The following GPR149 variants were observed in gnomAD, a reference collection of about 807,000 sequenced individuals.
The protein encoded by GPR149 is G protein-coupled receptor 149, also known as probable G protein-coupled receptor 149.
GPR149 carries 50 observed loss-of-function variants against 50.2 expected under a neutral mutation model. That is an observed-to-expected ratio of 1.00 (90% CI 0.79 to 1.26). The LOEUF (loss-of-function observed/expected upper bound fraction) is 1.26, where lower values mean the gene tolerates loss of function less well. Among genes scored for constraint, GPR149 ranks in the 50% most tolerant of loss-of-function variants. The pLI is 0.00. For synonymous variants in GPR149, 405 were observed against 358.2 expected, an observed-to-expected ratio of 1.13 and a Z score of -1.48; for missense variants, 983 against 895.4, an observed-to-expected ratio of 1.10 and a Z score of -1.25.
intron 3 of GPR149, among the ~76,000 whole-genome samples, chr3:154,378,087 C>CTTTTTT (rs1553764603): frequency 7.9e-6 from 1 of 126,108 alleles, no homozygotes; most frequent in African/African-American, 3.1e-5. Context: ...ATCCCCCCCC[C>CTTTTTT]CTTTTTTTTT....
chr3:154,405,463 C>T (rs10935987), intron 3 of GPR149, among the ~76,000 whole-genome samples: 93,681 of 151,430 alleles, frequency 0.62, 29,829 homozygotes, highest in East Asian at 0.8. Flanking sequence ...TGGCTTGCGC[C>T]TGTAGTCCCA....
intron 3 of GPR149, among the ~76,000 whole-genome samples, 158 bp from the exon 4 acceptor site, chr3:154,338,429 A>G (rs1713708662): frequency 6.6e-6 from 1 of 152,208 alleles, no homozygotes. Context: ...CTGCCACCAA[A>G]GCACCATACC....
chr3:154,394,380 G>A (rs1037783607), intron 3 of GPR149, among the ~76,000 whole-genome samples: 2 of 151,964 alleles, frequency 1.3e-5, no homozygotes, highest in Non-Finnish European at 2.9e-5. Flanking sequence ...GAATGAAAGT[G>A]GACCCTTGCT....
intron 3 of GPR149, among the ~76,000 whole-genome samples, chr3:154,346,802 G>A (rs1220738311): frequency 6.6e-6 from 1 of 151,926 alleles, no homozygotes; most frequent in Non-Finnish European, 1.5e-5. Context: ...TTGTCATGTT[G>A]GCCAGGCTGG....
intron 2 of GPR149, among the ~76,000 whole-genome samples, chr3:154,423,122 C>A (rs888381292): frequency 7.9e-5 from 12 of 151,754 alleles, no homozygotes; most frequent in Non-Finnish European, 1.8e-4. Context: ...GAGACTTCAC[C>A]TCCATGTCAC....
intron 3 of GPR149, among the ~76,000 whole-genome samples, chr3:154,415,923 A>G (rs1408675067): frequency 6.6e-6 from 1 of 151,874 alleles, no homozygotes; most frequent in African/African-American, 2.4e-5. Context: ...CCAGATGATT[A>G]TTTTTGTTAA....
chr3:154,374,233 G>A (rs554483028), intron 3 of GPR149, among the ~76,000 whole-genome samples: 104 of 136,178 alleles, frequency 7.6e-4, no homozygotes, highest in African/African-American at 2.6e-3. Context: ...GGAGTGCAGC[G>A]GCACAATCTT....
In GPR149 at chr3:154,429,132, G is replaced by C. The variant is rs966337202; in HGVS notation, c.484C>G (p.Leu162Val). Residue 162 changes from leucine (L) to valine (V), a missense_variant, in exon 1 of 4, where the codon CTG becomes GTG. Leu to Val is a conservative substitution (Grantham distance 32). Transcript: ENST00000389740. ...CACAGCGGGAGCGCCGAGAGCAGCA[G>C]ACTGGCTGCCCACACGGTCAGCACC... The part of the protein sequence containing the change: ...GVVLTVWAAS[L>V]LLSALPLCGW... 3.1e-6 allele frequency: 5 copies of C among 1,613,542 alleles called. No homozygotes were observed. Among genetic ancestry groups the C allele is most frequent in the Non-Finnish European group, 3.4e-6 (4 of 1,179,944 alleles).
intron 3 of GPR149, among the ~76,000 whole-genome samples, chr3:154,364,889 C>A (rs529931428): frequency 3.3e-5 from 5 of 152,316 alleles, no homozygotes; most frequent in African/African-American, 9.6e-5. Context: ...CAGCCTTACT[C>A]CCACAGCTTC....
At chr3:154,407,956 C>T (rs1314915200) in intron 3 of GPR149, among the ~76,000 whole-genome samples, 1 of 152,026 alleles carries the variant, frequency 6.6e-6, no homozygotes, top group Non-Finnish European at 1.5e-5. Flanking sequence ...ATGATTATGT[C>T]ATGTTGGATA....
chr3:154,374,511 G>A (rs1358829557), intron 3 of GPR149, among the ~76,000 whole-genome samples: 1 of 151,984 alleles, frequency 6.6e-6, no homozygotes, highest in Non-Finnish European at 1.5e-5. Flanking sequence ...CCAAATGGTA[G>A]GTAGCTGAAG....
At chr3:154,421,778 A>G (rs1712153390) in intron 2 of GPR149, among the ~76,000 whole-genome samples, 2 of 151,854 alleles carry the variant, frequency 1.3e-5, no homozygotes, top group Admixed American at 6.6e-5. Context: ...TTAGCCATAC[A>G]TTAGGAAATT....
chr3:154,352,650 A>G, intron 3 of GPR149: 1 of 778,762 alleles, frequency 1.3e-6, no homozygotes, highest in Non-Finnish European at 2.4e-6. Flanking sequence ...CTAAAGTTGC[A>G]GCCAATGCAT....
chr3:154,366,135 C>A (rs1392706723), intron 3 of GPR149, among the ~76,000 whole-genome samples: 1 of 152,140 alleles, frequency 6.6e-6, no homozygotes, highest in African/African-American at 2.4e-5. Flanking sequence ...GCCAAACAGA[C>A]CCCTAGAGAA....
chr3:154,409,141 G>C (rs751234932), intron 3 of GPR149, among the ~76,000 whole-genome samples: 3 of 152,306 alleles, frequency 2.0e-5, no homozygotes, highest in Middle Eastern at 3.4e-3. Flanking sequence ...AATCACTACA[G>C]TTTGGCCTCT....
chr3:154,396,506 G>C (rs1715297319), intron 3 of GPR149, among the ~76,000 whole-genome samples: 2 of 151,996 alleles, frequency 1.3e-5, no homozygotes, highest in African/African-American at 4.8e-5. Flanking sequence ...CTTAGTATGA[G>C]GGCATTGGTA....
At chr3:154,358,926 C>A (rs1007852857) in intron 3 of GPR149, among the ~76,000 whole-genome samples, 11 of 152,140 alleles carry the variant, frequency 7.2e-5, no homozygotes, top group African/African-American at 2.2e-4. Flanking sequence ...TAATACATTA[C>A]TGCTTCATTT....
At chr3:154,392,427 G>C (rs7641081) in intron 3 of GPR149, among the ~76,000 whole-genome samples, 1 of 151,452 alleles carries the variant, frequency 6.6e-6, no homozygotes, top group African/African-American at 2.4e-5. Context: ...CTTAGGGGAT[G>C]CAGCAAAAGA....
At chr3:154,353,423 A>C (rs1474148608) in intron 3 of GPR149, 1 of 1,047,172 alleles carries the variant, frequency 9.5e-7, no homozygotes, top group African/African-American at 1.6e-5. Context: ...TCACATCTTC[A>C]ACTTGTTCAT....
Sources: gnomAD v4.1 joint callset for allele counts (sites outside exome capture counted in the v4.1 genomes callset) on GRCh38, gnomAD v4.1.1 for gene constraint, MANE v1.5 for transcripts, NCBI Gene and HGNC (gene_info 2026-07-23, HGNC 2026-07-21) for gene names.